SGCD: variants seen among roughly 807,000 people sequenced by gnomAD.
The protein encoded by SGCD is delta-sarcoglycan.
In SGCD, 18 loss-of-function variants were observed where a neutral mutation model predicts 36.6. The ratio of observed to expected loss-of-function variants is 0.49; its 90% CI spans 0.34 to 0.73. SGCD has a LOEUF of 0.73. Among genes scored for constraint, SGCD ranks in the 30% least tolerant of loss-of-function variants. SGCD has a pLI of 0.01. For missense variants in SGCD, 387 were observed against 346.7 expected, an observed-to-expected ratio of 1.12 and a Z score of -0.92; for synonymous variants, 133 against 130.6, an observed-to-expected ratio of 1.02 and a Z score of -0.12.
intron 3 of SGCD, among the ~76,000 whole-genome samples, chr5:156,164,571 C>G (rs1446953310): frequency 6.6e-6 from 1 of 152,186 alleles, no homozygotes; most frequent in Admixed American, 6.5e-5. Flanking sequence ...GAATGACAGA[C>G]ATGGAAATGC....
At chr5:156,655,509 T>C (rs1763638217) in intron 7 of SGCD, among the ~76,000 whole-genome samples, 2 of 152,150 alleles carry the variant, frequency 1.3e-5, no homozygotes, top group Non-Finnish European at 2.9e-5. Context: ...GTTAAGATGC[T>C]TGTAAATAAT....
At position 156,761,542 on chromosome 5, in the gene SGCD, T is replaced by C. The variant is rs1204262458; in HGVS notation, c.*2152T>C. 6.6e-6 allele frequency: 1 copy of C among 152,178 alleles called. No individual in the cohort carries two copies. Among genetic ancestry groups the C allele is most frequent in the East Asian group, 1.9e-4 (1 of 5,190 alleles). The allele number at this position is 152,178 out of a possible 1,614,324, so 9.4% of individuals were successfully genotyped here. ...CAAGCCAGGAAACGCCCTCCTTGGC[T>C]ACTAGGAGCACCTATCCCATATCAT... On this transcript the variant is annotated 3_prime_UTR_variant, in exon 9 of 9. Transcript: ENST00000337851.
At chr5:156,208,481 C>A (rs919628439) in intron 3 of SGCD, among the ~76,000 whole-genome samples, 8 of 152,142 alleles carry the variant, frequency 5.3e-5, no homozygotes, top group Non-Finnish European at 1.5e-5. Context: ...TGATTCAGCA[C>A]CTTGGAGAGC....
At chr5:156,398,237 C>T (rs1331221608) in intron 3 of SGCD, among the ~76,000 whole-genome samples, 1 of 152,078 alleles carries the variant, frequency 6.6e-6, no homozygotes, top group Non-Finnish European at 1.5e-5. Flanking sequence ...CAGCTAAGCT[C>T]TAAGAGAAAG....
At chr5:156,518,207 C>G (rs544092059) in intron 4 of SGCD, among the ~76,000 whole-genome samples, 1 of 152,108 alleles carries the variant, frequency 6.6e-6, no homozygotes, top group Non-Finnish European at 1.5e-5. Context: ...TCCGACAAAA[C>G]GGGCTTTAAA....
At chr5:156,056,655 A>AAAAAGCAAAAAAC (rs1554115107) in intron 1 of SGCD, among the ~76,000 whole-genome samples, 1 of 136,506 alleles carries the variant, frequency 7.3e-6, no homozygotes, top group African/African-American at 2.9e-5. Flanking sequence ...TAAAAAAAAA[A>AAAAAGCAAAAAAC]AAAAAAAAAA....
chr5:156,307,852 G>A (rs933729475), intron 3 of SGCD, among the ~76,000 whole-genome samples: 286 of 151,936 alleles, frequency 1.9e-3, no homozygotes, highest in African/African-American at 6.8e-3. Context: ...TTTTCACTTT[G>A]TGTGTTTAAG....
intron 7 of SGCD, among the ~76,000 whole-genome samples, chr5:156,740,380 C>T (rs1044743877): frequency 6.6e-6 from 1 of 152,228 alleles, no homozygotes; most frequent in African/African-American, 2.4e-5. Flanking sequence ...TGCTAATGAA[C>T]TTCAGGTCAA....
chr5:155,829,688 G>A, the SGCD span, among the ~76,000 whole-genome samples: 1 of 152,258 alleles, frequency 6.6e-6, no homozygotes, highest in South Asian at 2.1e-4. Flanking sequence ...GAATCAAGAA[G>A]CCAAAGTAGC....
At position 156,168,690 on chromosome 5, in the gene SGCD, C is replaced by T. The variant is rs150284444; in HGVS notation, c.-44+44671C>T. On this transcript the variant is annotated intron_variant, in intron 3 of 9. Coordinates refer to the SGCD transcript ENST00000517913. ...TGTATTTGTTCATCCTAATAATCCTCGTAGAGAGCTTCACTCTCCCCATTC... is the reference window on the plus strand; with the variant it reads ...TGTATTTGTTCATCCTAATAATCCTTGTAGAGAGCTTCACTCTCCCCATTC... Among the ~76,000 whole-genome samples the T allele has an allele frequency of 2.5e-3, 375 of 152,308 alleles. 1 individual carries two copies. Among genetic ancestry groups the T allele is most frequent in the African/African-American group, 7.4e-3 (308 of 41,572 alleles).
intron 3 of SGCD, among the ~76,000 whole-genome samples, chr5:156,284,799 CA>C (rs1766550656): frequency 1.3e-5 from 2 of 152,124 alleles, no homozygotes; most frequent in Non-Finnish European, 1.5e-5. Context: ...TCCTATTCAA[CA>C]TAGTGTTGGA....
intron 1 of SGCD, among the ~76,000 whole-genome samples, chr5:155,887,028 TG>T (rs1437119007): frequency 1.3e-5 from 2 of 152,216 alleles, no homozygotes; most frequent in African/African-American, 2.4e-5. Flanking sequence ...AAATTCCTGG[TG>T]TCCCTTTTAT....
In SGCD at chr5:156,411,969, T is replaced by G. The variant is rs2127770206; in HGVS notation, c.192+67292T>G. On this transcript the variant is annotated intron_variant, in intron 3 of 8. Transcript: ENST00000337851. ...AAGTCTGAAAATTACTTTTTTCTCT[T>G]TACTTTGAATTTTCAAGAGCTGATC... 2.6e-5 allele frequency among the ~76,000 whole-genome samples: 4 copies of G among 152,372 alleles called. No individual in the cohort carries two copies. The South Asian group carries it at 8.3e-4, about 32-fold the overall frequency.
At chr5:156,324,774 G>T (rs1767763129), upstream of SGCD, among the ~76,000 whole-genome samples, 1 of 151,846 alleles carries the variant, frequency 6.6e-6, no homozygotes, top group South Asian at 2.1e-4. Context: ...AAAGAAGCAG[G>T]GCATAAAACG....
chr5:156,157,586 T>C (rs1247053952), intron 3 of SGCD, among the ~76,000 whole-genome samples: 2 of 151,800 alleles, frequency 1.3e-5, no homozygotes, highest in African/African-American at 2.4e-5. Context: ...AAAATATTTT[T>C]CTGCTAAGTA....
intron 3 of SGCD, among the ~76,000 whole-genome samples, chr5:156,165,545 T>TCCAGTACA (rs2127619879): frequency 6.6e-6 from 1 of 152,350 alleles, no homozygotes; most frequent in African/African-American, 2.4e-5. Flanking sequence ...GGATCCCAGA[T>TCCAGTACA]GTTTCAATTT....
chr5:156,504,392 GTATATATATATATATATATATATA>G (rs59580975), intron 3 of SGCD, among the ~76,000 whole-genome samples: 9 of 75,072 alleles, frequency 1.2e-4, no homozygotes, highest in African/African-American at 3.5e-4. Flanking sequence ...GTGTGTGTGT[GTATATATATATATATATATATATA>G]TATATATATG....
At chr5:156,300,378 C>G (rs1188523751) in intron 3 of SGCD, among the ~76,000 whole-genome samples, 2 of 152,040 alleles carry the variant, frequency 1.3e-5, no homozygotes, top group African/African-American at 4.8e-5. Context: ...CATTGACCCA[C>G]TCATCATTTA....
the SGCD span, among the ~76,000 whole-genome samples, chr5:155,745,845 A>G: frequency 6.6e-6 from 1 of 152,226 alleles, no homozygotes; most frequent in Non-Finnish European, 1.5e-5. Flanking sequence ...CTGAAAGTAC[A>G]AAGTGTTGGA....
Sources: gnomAD v4.1 joint callset for allele counts (sites outside exome capture counted in the v4.1 genomes callset) on GRCh38, gnomAD v4.1.1 for gene constraint, MANE v1.5 for transcripts, NCBI Gene and HGNC (gene_info 2026-07-23, HGNC 2026-07-21) for gene names.